Variants in C10orf67 observed in about 807,000 individuals in gnomAD.
C10orf67 encodes the protein chromosome 10 open reading frame 67.
In C10orf67, 60 loss-of-function variants were observed where a neutral mutation model predicts 35.6. That is an observed-to-expected ratio of 1.68 (90% CI 1.37 to 2.09). The LOEUF (loss-of-function observed/expected upper bound fraction) is 2.09. C10orf67 is among the 30% of genes most tolerant of loss of function. The pLI is 0.00. For synonymous variants in C10orf67, 167 were observed against 115.8 expected (o/e 1.44, Z -2.84); for missense variants, 474 against 330.2 (o/e 1.44, Z -3.38).
intron 13 of C10orf67, among the ~76,000 whole-genome samples, chr10:23,225,416 T>A (rs1355775435): frequency 6.6e-6 from 1 of 152,092 alleles, no homozygotes; most frequent in Non-Finnish European, 1.5e-5. Flanking sequence ...TGCAAAAACA[T>A]GCCAAATTGT....
chr10:23,226,411 A>G (rs1184033683), intron 13 of C10orf67, among the ~76,000 whole-genome samples: 1 of 152,196 alleles, frequency 6.6e-6, no homozygotes, highest in African/African-American at 2.4e-5. Flanking sequence ...GACACAACAT[A>G]CCAGAATCTC....
downstream of C10orf67, chr10:23,202,237 A>G (rs1479223677): frequency 6.6e-6 from 1 of 152,250 alleles, no homozygotes; most frequent in Non-Finnish European, 1.5e-5. Context: ...ATTACAACCT[A>G]GCTAGTTCTG....
intron 4 of C10orf67, chr10:23,318,925 C>G: frequency 1.3e-6 from 1 of 775,576 alleles, no homozygotes; most frequent in Admixed American, 1.7e-5. Context: ...GTGGCTGCAG[C>G]AAATCCAAGC....
At chr10:23,229,747 C>A (rs182280638) in intron 13 of C10orf67, among the ~76,000 whole-genome samples, 10 of 151,898 alleles carry the variant, frequency 6.6e-5, no homozygotes, top group African/African-American at 2.4e-4. Context: ...AGTATAATAG[C>A]ATAAAAATAC....
At chr10:23,336,694 A>C (rs949416280) in intron 1 of C10orf67, among the ~76,000 whole-genome samples, 1 of 151,996 alleles carries the variant, frequency 6.6e-6, no homozygotes, top group Non-Finnish European at 1.5e-5. Flanking sequence ...TTGTATTTTT[A>C]GTAGAGATGA....
intron 13 of C10orf67, among the ~76,000 whole-genome samples, chr10:23,228,168 C>T (rs1453413319): frequency 6.6e-6 from 1 of 152,184 alleles, no homozygotes; most frequent in Non-Finnish European, 1.5e-5. Context: ...CTGGAGGCAT[C>T]ACACTACCTG....
intron 15 of C10orf67, among the ~76,000 whole-genome samples, chr10:23,215,174 T>TA (rs1841397566): frequency 6.6e-6 from 1 of 151,996 alleles, no homozygotes; most frequent in South Asian, 2.1e-4. Context: ...ATTGACTCAA[T>TA]AAAAAAATAG....
intron 12 of C10orf67, among the ~76,000 whole-genome samples, chr10:23,248,060 G>C (rs977253804): frequency 6.6e-6 from 1 of 152,152 alleles, no homozygotes; most frequent in Non-Finnish European, 1.5e-5. Context: ...GCTGAGTGAG[G>C]GCAGGAGAAG....
chr10:23,322,586 A>G (rs1845002419), intron 2 of C10orf67, 49 bp from the exon 3 acceptor site: 2 of 1,263,906 alleles, frequency 1.6e-6, no homozygotes, highest in East Asian at 4.8e-5. Context: ...GGAACAGAAA[A>G]CCAAATACTG....
intron 15 of C10orf67, among the ~76,000 whole-genome samples, chr10:23,206,374 A>T (rs1181435311): frequency 6.6e-6 from 1 of 152,218 alleles, no homozygotes; most frequent in Non-Finnish European, 1.5e-5. Context: ...AAAAATACAC[A>T]TGCATTTTTG....
At chr10:23,287,933 C>T (rs1843598331) in intron 7 of C10orf67, among the ~76,000 whole-genome samples, 1 of 152,172 alleles carries the variant, frequency 6.6e-6, no homozygotes. Context: ...CATGTCACAC[C>T]AGTCAGAATG....
chr10:23,270,101 G>C (rs896125662), intron 8 of C10orf67, among the ~76,000 whole-genome samples: 4 of 152,154 alleles, frequency 2.6e-5, no homozygotes, highest in African/African-American at 9.7e-5. Context: ...GAGCCAATTA[G>C]AAGCAGCTGT....
At chr10:23,233,018 G>A (rs888303595) in intron 13 of C10orf67, among the ~76,000 whole-genome samples, 2 of 152,090 alleles carry the variant, frequency 1.3e-5, no homozygotes, top group Non-Finnish European at 2.9e-5. Context: ...TTAGCCAAGT[G>A]TGATGGTGCA....
At chr10:23,223,025 T>TA (rs1289766849) in intron 15 of C10orf67, among the ~76,000 whole-genome samples, 1 of 152,010 alleles carries the variant, frequency 6.6e-6, no homozygotes, top group South Asian at 2.1e-4. Context: ...AGTTTAATTT[T>TA]AAAAAAAGAA....
chr10:23,216,369 T>C (rs1413080199), intron 15 of C10orf67, among the ~76,000 whole-genome samples: 1 of 152,100 alleles, frequency 6.6e-6, no homozygotes, highest in Non-Finnish European at 1.5e-5. Context: ...CAAGTGTTAG[T>C]AGGAAAATGG....
At position 23,203,932 on chromosome 10, in the gene C10orf67, C is replaced by T. The variant is rs1159643499; in HGVS notation, c.*241G>A. The T allele has an allele frequency of 5.1e-5, 17 of 334,030 alleles. No homozygotes were observed. Among genetic ancestry groups the T allele is most frequent in the Non-Finnish European group, 8.6e-5 (16 of 186,302 alleles). The allele number at this position is 334,030 out of a possible 1,614,324, so 20.7% of individuals were successfully genotyped here. ...ATGTGGTTGCCCCGGAGGTTCAGTGCGCCCCGCTCACCCAGCACCAGCCAG... is the reference window on the plus strand; with the variant it reads ...ATGTGGTTGCCCCGGAGGTTCAGTGTGCCCCGCTCACCCAGCACCAGCCAG... On this transcript the variant is annotated 3_prime_UTR_variant, in exon 16 of 16. Coordinates refer to ENST00000636213, the MANE Select transcript of C10orf67 (RefSeq NM_001371909.1).
intron 7 of C10orf67, among the ~76,000 whole-genome samples, chr10:23,282,689 G>C (rs1286672096): frequency 6.6e-6 from 1 of 152,082 alleles, no homozygotes; most frequent in Non-Finnish European, 1.5e-5. Context: ...AAATTAGCTG[G>C]GCATGGTGGC....
intron 1 of C10orf67, 108 bp downstream of exon 1, chr10:23,344,461 C>T (rs1348355440): frequency 6.6e-6 from 7 of 1,063,744 alleles, no homozygotes; most frequent in South Asian, 1.4e-5. Context: ...GAGGCTGCTG[C>T]GATACCCCAG....
At chr10:23,261,193 G>C (rs1050931540) in intron 10 of C10orf67, among the ~76,000 whole-genome samples, 2 of 152,140 alleles carry the variant, frequency 1.3e-5, no homozygotes, top group African/African-American at 4.8e-5. Context: ...AATTTGGGGA[G>C]TCTAGTTAAT....
Sources: gnomAD v4.1 joint callset for allele counts (sites outside exome capture counted in the v4.1 genomes callset) on GRCh38, gnomAD v4.1.1 for gene constraint, MANE v1.5 for transcripts, NCBI Gene and HGNC (gene_info 2026-07-23, HGNC 2026-07-21) for gene names.